SNX29: variants seen among roughly 807,000 people sequenced by gnomAD.
SNX29 encodes the protein sorting nexin-29.
Under a neutral mutation model 102.1 loss-of-function variants are expected in SNX29, and 78 were observed. The observed-to-expected ratio is 0.76, with a 90% CI of 0.64 to 0.92. The LOEUF is 0.92. SNX29 is among the 40% of genes least tolerant of loss of function. The pLI, the probability that SNX29 is intolerant of heterozygous loss-of-function variation, is 0.00. For missense variants in SNX29, 1,280 were observed against 1,061.7 expected (o/e 1.21, Z -2.86); for synonymous variants, 580 against 414.5 (o/e 1.40, Z -4.85).
intron 11 of SNX29, among the ~76,000 whole-genome samples, chr16:12,084,790 C>T (rs541208064): frequency 3.3e-5 from 5 of 152,166 alleles, no homozygotes; most frequent in Middle Eastern, 3.4e-3. Flanking sequence ...ATAAATAGGC[C>T]GGGTGCAGTG....
chr16:12,039,756 G>T (rs1224833262), intron 4 of SNX29, among the ~76,000 whole-genome samples: 1 of 152,174 alleles, frequency 6.6e-6, no homozygotes, highest in Non-Finnish European at 1.5e-5. Context: ...CATTTTGCAG[G>T]GCAGTGTGAT....
chr16:12,248,326 CCT>C (rs1555497449), intron 14 of SNX29, among the ~76,000 whole-genome samples: 2 of 152,114 alleles, frequency 1.3e-5, no homozygotes, highest in African/African-American at 2.4e-5. Context: ...TCTTGCTTCC[CCT>C]GTTTCCTGGA....
chr16:12,346,368 C>T (rs1332045275), intron 15 of SNX29, among the ~76,000 whole-genome samples: 1 of 152,110 alleles, frequency 6.6e-6, no homozygotes, highest in African/African-American at 2.4e-5. Context: ...TAAAGCACCT[C>T]TTTCTTTTAT....
chr16:12,484,219 G>A (rs1255533017), intron 19 of SNX29, among the ~76,000 whole-genome samples: 5 of 151,982 alleles, frequency 3.3e-5, no homozygotes, highest in Non-Finnish European at 7.4e-5. Flanking sequence ...TGCGATCATG[G>A]CTCACTGCAG....
At chr16:12,177,426 T>C (rs1008416416) in intron 13 of SNX29, among the ~76,000 whole-genome samples, 1 of 152,238 alleles carries the variant, frequency 6.6e-6, no homozygotes. Context: ...ATTTTAATTA[T>C]CGAGATGTGA....
intron 20 of SNX29, among the ~76,000 whole-genome samples, chr16:12,559,148 C>G (rs1330555236): frequency 6.6e-6 from 1 of 152,136 alleles, no homozygotes; most frequent in Non-Finnish European, 1.5e-5. Flanking sequence ...TCCCCAACCC[C>G]TGGCCCAGTA....
At chr16:11,993,265 G>C (rs1032700631) in intron 1 of SNX29, among the ~76,000 whole-genome samples, 3 of 152,164 alleles carry the variant, frequency 2.0e-5, no homozygotes, top group Non-Finnish European at 2.9e-5. Flanking sequence ...TGGAGCTCCA[G>C]GGTTGCGAGG....
intron 14 of SNX29, among the ~76,000 whole-genome samples, chr16:12,213,940 C>T (rs2077254225): frequency 1.3e-5 from 2 of 152,142 alleles, no homozygotes; most frequent in East Asian, 3.8e-4. Context: ...GAGGATGAGG[C>T]TGTTGGAGTC....
intron 20 of SNX29, among the ~76,000 whole-genome samples, chr16:12,564,432 T>C (rs954676012): frequency 6.6e-6 from 1 of 152,202 alleles, no homozygotes; most frequent in South Asian, 2.1e-4. Context: ...ATTATCCTCA[T>C]TTCACAGATC....
chr16:12,291,223 C>A (rs112882983), intron 15 of SNX29, among the ~76,000 whole-genome samples: 1 of 152,028 alleles, frequency 6.6e-6, no homozygotes, highest in South Asian at 2.1e-4. Context: ...TGCCCAAGAC[C>A]GGGAAGAAAA....
intron 18 of SNX29, among the ~76,000 whole-genome samples, chr16:12,446,131 C>T (rs1156339394): frequency 6.7e-6 from 1 of 148,992 alleles, no homozygotes; most frequent in Non-Finnish European, 1.5e-5. Context: ...TCTCGGCTCA[C>T]TGCAGCCTCC....
chr16:12,543,335 C>T (rs565735163), intron 20 of SNX29, among the ~76,000 whole-genome samples: 6 of 152,266 alleles, frequency 3.9e-5, no homozygotes, highest in South Asian at 2.1e-4. Flanking sequence ...AAATCTGGGG[C>T]AGAGGAGCAG....
chr16:12,290,591 T>C (rs1202463725), intron 15 of SNX29, among the ~76,000 whole-genome samples: 4 of 152,214 alleles, frequency 2.6e-5, no homozygotes, highest in Middle Eastern at 3.2e-3. Flanking sequence ...ATAATTTTTT[T>C]GGTTGCAGAA....
intron 19 of SNX29, among the ~76,000 whole-genome samples, chr16:12,521,306 C>T (rs1388435341): frequency 6.6e-6 from 1 of 152,136 alleles, no homozygotes; most frequent in African/African-American, 2.4e-5. Flanking sequence ...ATTGGACATT[C>T]CTAGAGCAGA....
At chr16:11,998,873 T>C (rs1463296545) in intron 1 of SNX29, among the ~76,000 whole-genome samples, 1 of 152,242 alleles carries the variant, frequency 6.6e-6, no homozygotes, top group African/African-American at 2.4e-5. Flanking sequence ...CAGTTCCTGC[T>C]GTACTGGGAA....
chr16:12,197,611 C>T (rs559446850), intron 13 of SNX29, among the ~76,000 whole-genome samples: 3 of 152,262 alleles, frequency 2.0e-5, no homozygotes, highest in Admixed American at 1.3e-4. Flanking sequence ...GTACAATCCC[C>T]ATCAGGGAAG....
At chr16:12,515,601 C>T (rs760851883) in intron 19 of SNX29, 3 of 488,728 alleles carry the variant, frequency 6.1e-6, no homozygotes, top group Middle Eastern at 3.0e-4. Flanking sequence ...AGGTGACCTC[C>T]GAAGTCACCT....
At chr16:12,140,921 T>C (rs2141499422) in intron 13 of SNX29, among the ~76,000 whole-genome samples, 1 of 152,300 alleles carries the variant, frequency 6.6e-6, no homozygotes, top group Non-Finnish European at 1.5e-5. Flanking sequence ...TATAACCTAC[T>C]TATACAAGTA....
chr16:12,504,539 G>A (rs1426292583), intron 19 of SNX29, among the ~76,000 whole-genome samples: 1 of 152,152 alleles, frequency 6.6e-6, no homozygotes, highest in Non-Finnish European at 1.5e-5. Context: ...ATGTTTCCAT[G>A]GTGCGTCTGT....
Sources: allele counts gnomAD v4.1 joint callset (sites outside exome capture counted in the v4.1 genomes callset), GRCh38; gene constraint gnomAD v4.1.1; transcripts MANE v1.5; gene names NCBI Gene and HGNC (gene_info 2026-07-23, HGNC 2026-07-21).